KAZN: variants seen among roughly 807,000 people sequenced by gnomAD.
KAZN encodes kazrin, periplakin interacting protein.
A neutral mutation model predicts 87.4 loss-of-function variants in KAZN; 40 were observed. That is an observed-to-expected ratio of 0.46 (90% CI 0.36 to 0.60). The LOEUF is 0.60. Among genes scored for constraint, KAZN ranks in the 20% least tolerant of loss-of-function variants. The pLI, the probability that KAZN is intolerant of heterozygous loss-of-function variation, is 0.00. For synonymous variants in KAZN, 466 were observed against 458.3 expected (o/e 1.02, Z -0.22); for missense variants, 898 against 1,073.9 (o/e 0.84, Z 2.29).
intron 1 of KAZN, among the ~76,000 whole-genome samples, chr1:14,053,748 A>G (rs1173644095): frequency 6.6e-6 from 1 of 152,234 alleles, no homozygotes; most frequent in Non-Finnish European, 1.5e-5. Context: ...TGCAGGGATT[A>G]GAGGCACTGA....
At chr1:14,650,032 CTTTT>C (rs34399319) in intron 1 of KAZN, among the ~76,000 whole-genome samples, 71 of 88,338 alleles carry the variant, frequency 8.0e-4, no homozygotes, top group Middle Eastern at 6.6e-3. Flanking sequence ...CTCCACCCAT[CTTTT>C]TTTTTTTTTT....
intron 1 of KAZN, among the ~76,000 whole-genome samples, chr1:14,627,412 G>A (rs990574377): frequency 6.6e-6 from 1 of 152,130 alleles, no homozygotes; most frequent in African/African-American, 2.4e-5. Context: ...AGAGAGTGCA[G>A]AGGAGTGAGC....
intron 13 of KAZN, 27 bp from the exon 14 acceptor site, chr1:15,112,400 G>A: frequency 1.4e-6 from 2 of 1,409,670 alleles, no homozygotes; most frequent in Non-Finnish European, 2.0e-6. Flanking sequence ...AGCCTCCCCT[G>A]CTGACTCAAA....
At chr1:14,365,881 T>A (rs1659954406) in intron 2 of KAZN, among the ~76,000 whole-genome samples, 2 of 152,156 alleles carry the variant, frequency 1.3e-5, no homozygotes. Context: ...TAGATATTCC[T>A]CTTATGGCAT....
At chr1:14,845,262 G>T (rs1648589653) in intron 1 of KAZN, among the ~76,000 whole-genome samples, 1 of 150,334 alleles carries the variant, frequency 6.7e-6, no homozygotes, top group South Asian at 2.1e-4. Context: ...TGGATGGTTG[G>T]GTGGATGGAT....
intron 1 of KAZN, among the ~76,000 whole-genome samples, chr1:14,897,187 G>T (rs1655369750): frequency 6.6e-6 from 1 of 152,172 alleles, no homozygotes; most frequent in Admixed American, 6.5e-5. Flanking sequence ...ATCAAAGAAA[G>T]GGAAGGAGTT....
intron 2 of KAZN, among the ~76,000 whole-genome samples, chr1:14,480,749 A>G (rs550949695): frequency 6.9e-6 from 1 of 145,862 alleles, no homozygotes; most frequent in Non-Finnish European, 1.5e-5. Context: ...CTATATATGT[A>G]TTTATATATG....
In KAZN at chr1:14,243,840, C is replaced by T. The variant is rs576895292; in HGVS notation, c.249+63248C>T. ...AGAATGGGGAAAACATGTAATTATG[C>T]GTGTTTCAGACTAGATGGGATACAG... On this transcript the variant is annotated intron_variant, in intron 2 of 16. Transcript: ENST00000636203. 1.4e-4 allele frequency among the ~76,000 whole-genome samples: 21 copies of T among 152,154 alleles called. No homozygotes were observed. In the South Asian group the frequency reaches 4.2e-3, roughly 30 times the overall value.
chr1:14,417,011 TACACACAC>T (rs58667891), intron 2 of KAZN, among the ~76,000 whole-genome samples: 2,627 of 145,594 alleles, frequency 0.018, 69 homozygotes, highest in Admixed American at 0.055. Flanking sequence ...TATATATATG[TACACACAC>T]ACACACACAC....
At chr1:14,396,955 T>C (rs1662951552) in intron 2 of KAZN, among the ~76,000 whole-genome samples, 1 of 152,226 alleles carries the variant, frequency 6.6e-6, no homozygotes, top group East Asian at 1.9e-4. Context: ...GTGAGATCTA[T>C]AGAAAGTTTA....
intron 2 of KAZN, among the ~76,000 whole-genome samples, chr1:14,417,434 G>T (rs200081158): frequency 6.6e-6 from 1 of 152,162 alleles, no homozygotes; most frequent in Non-Finnish European, 1.5e-5. Flanking sequence ...TTCACAGAAA[G>T]GTGAACTAAG....
intron 7 of KAZN, among the ~76,000 whole-genome samples, chr1:15,064,675 T>A (rs1217366404): frequency 1.3e-5 from 2 of 152,198 alleles, no homozygotes. Context: ...GGCCATACTG[T>A]CTCCTGTCCA....
intron 1 of KAZN, among the ~76,000 whole-genome samples, chr1:14,745,696 G>C (rs890491657): frequency 6.6e-6 from 1 of 152,162 alleles, no homozygotes; most frequent in Non-Finnish European, 1.5e-5. Context: ...GTGGGGAAGA[G>C]ATCTTAATCA....
At chr1:14,300,431 T>C (rs1019248363) in intron 2 of KAZN, among the ~76,000 whole-genome samples, 2 of 152,080 alleles carry the variant, frequency 1.3e-5, no homozygotes, top group Non-Finnish European at 2.9e-5. Context: ...GAGGTCTCCC[T>C]ATGTTGCCCA....
chr1:14,660,973 GA>G (rs1301511854), intron 1 of KAZN, among the ~76,000 whole-genome samples: 1 of 152,160 alleles, frequency 6.6e-6, no homozygotes, highest in Non-Finnish European at 1.5e-5. Flanking sequence ...TTTCACCGGA[GA>G]CATCTGAAGT....
intron 2 of KAZN, among the ~76,000 whole-genome samples, chr1:15,000,707 C>G (rs558097926): frequency 6.6e-6 from 1 of 152,054 alleles, no homozygotes; most frequent in South Asian, 2.1e-4. Context: ...AATTACTCAG[C>G]CGTGTATATT....
At chr1:15,062,885 A>G (rs1471514553) in intron 6 of KAZN, 1 of 152,216 alleles carries the variant, frequency 6.6e-6, no homozygotes, top group Non-Finnish European at 1.5e-5. Flanking sequence ...GGAAAAAGGG[A>G]AGGAGTTCAG....
intron 1 of KAZN, among the ~76,000 whole-genome samples, chr1:14,138,453 A>G (rs995048681): frequency 5.9e-5 from 9 of 152,146 alleles, no homozygotes; most frequent in Non-Finnish European, 8.8e-5. Context: ...AACTTCTCTA[A>G]TGTCTCATTG....
chr1:13,947,733 T>G (rs543851322), intron 1 of KAZN, among the ~76,000 whole-genome samples: 8 of 152,210 alleles, frequency 5.3e-5, no homozygotes, highest in Non-Finnish European at 1.0e-4. Context: ...TAGTCTTTTC[T>G]GAGTCCGTTC....
Sources: allele counts gnomAD v4.1 joint callset (sites outside exome capture counted in the v4.1 genomes callset), GRCh38; gene constraint gnomAD v4.1.1; transcripts MANE v1.5; gene names NCBI Gene and HGNC (gene_info 2026-07-23, HGNC 2026-07-21).